The following XKR6 variants were observed in gnomAD, a reference collection of about 807,000 sequenced individuals.
XKR6 encodes XK related 6, also known as XK-related protein 6.
A neutral mutation model predicts 56.7 loss-of-function variants in XKR6; 22 were observed. That is an observed-to-expected ratio of 0.39 (90% CI 0.28 to 0.55). The LOEUF is 0.55. XKR6 is among the 20% of genes least tolerant of loss of function. The pLI is 0.66. For missense variants in XKR6, 852 were observed against 889.0 expected (o/e 0.96, Z 0.53); for synonymous variants, 524 against 387.8 (o/e 1.35, Z -4.13).
At chr8:10,998,105 G>A (rs1798155924) in intron 1 of XKR6, among the ~76,000 whole-genome samples, 1 of 152,034 alleles carries the variant, frequency 6.6e-6, no homozygotes, top group East Asian at 1.9e-4. Flanking sequence ...CCCAGAGAGG[G>A]TCCAGCACTC....
At chr8:10,929,865 T>C (rs941624566) in intron 1 of XKR6, among the ~76,000 whole-genome samples, 6 of 152,202 alleles carry the variant, frequency 3.9e-5, no homozygotes, top group Non-Finnish European at 2.9e-5. Context: ...CCCACTCTGC[T>C]TATATCTTTC....
intron 1 of XKR6, among the ~76,000 whole-genome samples, chr8:11,041,667 G>T (rs1799290321): frequency 1.3e-5 from 2 of 152,206 alleles, no homozygotes; most frequent in African/African-American, 4.8e-5. Flanking sequence ...GGGGTTGTGG[G>T]TCATCTTAGG....
intron 1 of XKR6, among the ~76,000 whole-genome samples, chr8:11,184,534 A>G (rs1255548269): frequency 6.6e-6 from 1 of 152,202 alleles, no homozygotes; most frequent in Non-Finnish European, 1.5e-5. Context: ...TGACTGTTAG[A>G]AACTTCAAGG....
chr8:10,960,253 A>C (rs1389353776), intron 1 of XKR6, among the ~76,000 whole-genome samples: 4 of 151,420 alleles, frequency 2.6e-5, no homozygotes, highest in Non-Finnish European at 4.4e-5. Context: ...AGGTAGGTGC[A>C]GGTATAGCAG....
intron 1 of XKR6, among the ~76,000 whole-genome samples, chr8:11,139,528 C>T (rs1202043466): frequency 2.0e-5 from 3 of 152,016 alleles, no homozygotes; most frequent in African/African-American, 7.3e-5. Flanking sequence ...ACAGGGAGTG[C>T]AGTCCGAGGG....
chr8:11,082,740 T>C (rs1025282493), intron 1 of XKR6, among the ~76,000 whole-genome samples: 24 of 152,190 alleles, frequency 1.6e-4, no homozygotes, highest in African/African-American at 5.5e-4. Context: ...CAGCTCAGGT[T>C]TGACAGAGCC....
intron 1 of XKR6, among the ~76,000 whole-genome samples, chr8:10,957,440 A>C (rs1801923759): frequency 6.6e-6 from 1 of 152,172 alleles, no homozygotes; most frequent in Non-Finnish European, 1.5e-5. Flanking sequence ...CACAGAGCTC[A>C]GGGAGCCTCT....
At chr8:11,053,972 A>G (rs1369797546) in intron 1 of XKR6, among the ~76,000 whole-genome samples, 1 of 152,186 alleles carries the variant, frequency 6.6e-6, no homozygotes, top group Non-Finnish European at 1.5e-5. Flanking sequence ...GAACTGCTGA[A>G]CCAATGGGCT....
At chr8:11,112,781 ATTTCCATGGCCAGCTT>A (rs1349902181) in intron 1 of XKR6, among the ~76,000 whole-genome samples, 1 of 152,198 alleles carries the variant, frequency 6.6e-6, no homozygotes, top group African/African-American at 2.4e-5. Flanking sequence ...TGGGGCCCAG[ATTTCCATGGCCAGCTT>A]GTGAGTAATT....
intron 2 of XKR6, among the ~76,000 whole-genome samples, chr8:10,921,384 C>G (rs952774704): frequency 5.9e-5 from 9 of 152,228 alleles, no homozygotes; most frequent in African/African-American, 1.9e-4. Flanking sequence ...CCCAGCAGGT[C>G]TGGCCCATGG....
chr8:10,898,159 C>A lies in XKR6; in HGVS notation c.1719G>T (p.Pro573=), dbSNP rs747719593. 13 of 1,613,904 alleles carry A rather than the reference C, an allele frequency of 8.1e-6. No individual in the cohort carries two copies. The highest frequency in any genetic ancestry group is 1.3e-5 in the African/African-American group (1 of 74,904). Residue 573 remains proline (P), a synonymous_variant, in exon 3 of 3, where the codon CCG becomes CCT. Transcript: ENST00000416569. This position sits in a 1 kb window ranked among gnomAD's most constrained non-coding sequence, Gnocchi z 6.6. ...CTTCTGGGAGGTAAGGACGCCCCAA[C>A]GGGGTAGGGGGCCCCATGGGTCTCA... is the stretch of plus-strand genomic sequence containing the variant. The part of the protein sequence containing the change: ...FQVRPMGPPT[P]LGRPYLPEGP...
chr8:11,105,616 C>G (rs1345631685), intron 1 of XKR6: 1 of 152,166 alleles, frequency 6.6e-6, no homozygotes, highest in Non-Finnish European at 1.5e-5. Context: ...TTGATACGAT[C>G]TTCTTCTTCA....
intron 1 of XKR6, chr8:11,124,245 G>A: frequency 2.9e-6 from 1 of 346,506 alleles, no homozygotes; most frequent in Non-Finnish European, 5.7e-6. Context: ...TACCAAAGAG[G>A]AAAGTGAAAC....
At chr8:10,992,001 C>G (rs972304541) in intron 1 of XKR6, among the ~76,000 whole-genome samples, 1 of 152,158 alleles carries the variant, frequency 6.6e-6, no homozygotes, top group African/African-American at 2.4e-5. Context: ...AGGTGGCCAA[C>G]AACAGATGTC....
chr8:11,051,783 C>A (rs890228411), intron 1 of XKR6, among the ~76,000 whole-genome samples: 1 of 152,094 alleles, frequency 6.6e-6, no homozygotes, highest in South Asian at 2.1e-4. Context: ...TGCTGAAAGC[C>A]CTCCAATAGC....
chr8:10,951,295 GTGT>G (rs780789487), intron 1 of XKR6, among the ~76,000 whole-genome samples: 7 of 137,192 alleles, frequency 5.1e-5, no homozygotes, highest in African/African-American at 1.7e-4. Context: ...GTGTGTGTGT[GTGT>G]GGGGGGGGGG....
At chr8:10,919,571 T>C (rs1586305635) in intron 2 of XKR6, among the ~76,000 whole-genome samples, 1 of 152,316 alleles carries the variant, frequency 6.6e-6, no homozygotes, top group African/African-American at 2.4e-5. Context: ...TGGAGGTGCA[T>C]GTGGAGCTCA....
Position 11,073,506 on chromosome 8 carries a change from G to T in XKR6, c.764+127070C>A, listed in dbSNP as rs186465441. 2.6e-5 allele frequency among the ~76,000 whole-genome samples: 4 copies of T among 152,282 alleles called. No individual in the cohort carries two copies. In the East Asian group the frequency reaches 7.7e-4, roughly 29 times the overall value. ...CAATGCCCCAAACCTGGACACTCTGGTAATAACATTCCCTGTTCCTTTGAA... is the reference window on the plus strand; with the variant it reads ...CAATGCCCCAAACCTGGACACTCTGTTAATAACATTCCCTGTTCCTTTGAA... On this transcript the variant is annotated intron_variant, in intron 1 of 2. Coordinates refer to ENST00000416569, the MANE Select transcript of XKR6 (RefSeq NM_173683.4).
intron 1 of XKR6, among the ~76,000 whole-genome samples, chr8:11,125,206 C>T (rs1379132975): frequency 6.6e-6 from 1 of 152,054 alleles, no homozygotes; most frequent in Non-Finnish European, 1.5e-5. Flanking sequence ...GACTCTGGCC[C>T]TGCTCACCCT....
Sources: gnomAD v4.1 joint callset for allele counts (sites outside exome capture counted in the v4.1 genomes callset) on GRCh38, gnomAD v4.1.1 for gene constraint, Gnocchi (gnomAD v3.1) non-coding constraint, MANE v1.5 for transcripts, NCBI Gene and HGNC (gene_info 2026-07-23, HGNC 2026-07-21) for gene names.